The following DNAJC9 variants were observed in gnomAD, a reference collection of about 807,000 sequenced individuals.
DNAJC9 encodes DnaJ heat shock protein family (Hsp40) member C9, also known as dnaJ homolog subfamily C member 9.
A neutral mutation model predicts 32.4 loss-of-function variants in DNAJC9; 18 were observed. The observed-to-expected ratio is 0.56, with a 90% CI of 0.38 to 0.82. The LOEUF (loss-of-function observed/expected upper bound fraction) is 0.82, where lower values mean the gene tolerates loss of function less well. Among genes scored for constraint, DNAJC9 ranks in the 40% least tolerant of loss-of-function variants. The pLI, the probability that DNAJC9 is intolerant of heterozygous loss-of-function variation, is 0.00. For missense variants in DNAJC9, 310 were observed against 321.8 expected (o/e 0.96, Z 0.28); for synonymous variants, 113 against 122.1 (o/e 0.93, Z 0.49).
At position 73,242,375 on chromosome 10, in the gene DNAJC9, C is replaced by A. The variant is rs1392717754; in HGVS notation, c.*1025G>T. Reference sequence around the variant, plus strand: ...CTCACAAACCATTACCATGAGTTCACTATAACAACTGGATCAATATGGCTT... The same window carrying A: ...CTCACAAACCATTACCATGAGTTCAATATAACAACTGGATCAATATGGCTT... On this transcript the variant is annotated 3_prime_UTR_variant, in exon 5 of 5. Coordinates refer to ENST00000372950, the MANE Select transcript of DNAJC9 (RefSeq NM_015190.5). 1.3e-5 allele frequency: 2 copies of A among 152,104 alleles called. No homozygotes were observed. Among genetic ancestry groups the A allele is most frequent in the African/African-American group, 2.4e-5 (1 of 41,426 alleles). The allele number at this position is 152,104 out of a possible 1,614,324, so 9.4% of individuals were successfully genotyped here.
chr10:73,235,503 C>A (rs986487226), downstream of DNAJC9: 48 of 1,318,578 alleles, frequency 3.6e-5, no homozygotes, highest in Admixed American at 8.8e-5. Context: ...GATGCCTATT[C>A]TTTAATGCCT....
chr10:73,241,158 C>T (rs1369818099), downstream of DNAJC9: 2 of 646,982 alleles, frequency 3.1e-6, no homozygotes, highest in Non-Finnish European at 5.6e-6. Flanking sequence ...CACAAGTGAC[C>T]GAAGAACAAA....
downstream of DNAJC9, among the ~76,000 whole-genome samples, chr10:73,240,689 G>T (rs1346497907): frequency 1.3e-5 from 2 of 151,574 alleles, no homozygotes; most frequent in Non-Finnish European, 2.9e-5. Context: ...CTCCAGCCTG[G>T]GGGGACAGAG....
downstream of DNAJC9, among the ~76,000 whole-genome samples, chr10:73,240,627 A>G (rs2043924191): frequency 6.6e-6 from 1 of 151,038 alleles, no homozygotes; most frequent in Non-Finnish European, 1.5e-5. Flanking sequence ...CAGGAGAATG[A>G]GGTGAACCTG....
chr10:73,246,297 T>C, intron 2 of DNAJC9, 121 bp from the exon 3 acceptor site: 4 of 1,117,004 alleles, frequency 3.6e-6, no homozygotes, highest in African/African-American at 1.6e-5. Flanking sequence ...GTTGAAATTA[T>C]TGAACCAGAT....
chr10:73,234,954 A>G (rs932806638), downstream of DNAJC9: 25 of 1,551,506 alleles, frequency 1.6e-5, no homozygotes, highest in Non-Finnish European at 2.1e-5. Flanking sequence ...TGTTTCTTTC[A>G]TATTGCCTCT....
At chr10:73,245,335 TC>T (rs1005666127) in intron 3 of DNAJC9, among the ~76,000 whole-genome samples, 8 of 151,150 alleles carry the variant, frequency 5.3e-5, no homozygotes, top group African/African-American at 2.0e-4. Context: ...TAAGGTTTCA[TC>T]CTGAACCACC....
At chr10:73,237,777 G>T (rs529184202), downstream of DNAJC9, among the ~76,000 whole-genome samples, 16 of 152,058 alleles carry the variant, frequency 1.1e-4, no homozygotes, top group Middle Eastern at 3.4e-3. Context: ...CCAGGCTGGA[G>T]TGTAGTGGTG....
intron 2 of DNAJC9, chr10:73,233,016 T>C: frequency 6.4e-7 from 1 of 1,551,874 alleles, no homozygotes; most frequent in Admixed American, 2.0e-5. Context: ...AATCGAGCTG[T>C]GGAGTTTAGT....
At position 73,243,164 on chromosome 10, in the gene DNAJC9, T is replaced by G. The variant is rs2043972972; in HGVS notation, c.*236A>C. The G allele has an allele frequency of 2.1e-6, 1 of 477,174 alleles. No homozygotes were observed. The highest frequency in any genetic ancestry group is 2.0e-5 in the African/African-American group (1 of 50,604). 29.6% of individuals were successfully genotyped at this position (477,174 alleles called of 1,614,324 possible). A position where few individuals can be genotyped will look rare whatever the true frequency, so the allele number is the denominator to read the frequency against. ...GGAAGGACACTGCCTCCCTCCACCC[T>G]CCCAAATGTCACCACCAAGTTCCTT... is the stretch of plus-strand genomic sequence containing the variant. On this transcript the variant is annotated 3_prime_UTR_variant, in exon 5 of 5. Coordinates refer to ENST00000372950, the MANE Select transcript of DNAJC9 (RefSeq NM_015190.5).
At position 73,243,998 on chromosome 10, in the gene DNAJC9, AG is replaced by A; in HGVS notation, c.577-70del. On this transcript the variant is annotated intron_variant, in intron 3 of 4. Transcript: ENST00000372950. ...CTTAAAATACATACTCTTTCCCAAA[AG>A]CAAATCTATAATTCTGTTTCAATTT... 2.4e-6 allele frequency: 3 copies of A among 1,271,082 alleles called. No homozygotes were observed. The South Asian group carries it at 3.8e-5, about 16-fold the overall frequency. 78.7% of individuals were successfully genotyped at this position (1,271,082 alleles called of 1,614,324 possible). A position where few individuals can be genotyped will look rare whatever the true frequency, so the allele number is the denominator to read the frequency against.
intron 1 of DNAJC9, 58 bp from the exon 2 acceptor site, chr10:73,246,886 G>T (rs1454704892): frequency 1.9e-6 from 3 of 1,608,494 alleles, no homozygotes; most frequent in Non-Finnish European, 2.5e-6. Context: ...ACGGCGGCGC[G>T]AGAAATAAAG....
chr10:73,235,551 TTAAGA>T (rs1361195518), downstream of DNAJC9: 8 of 894,038 alleles, frequency 8.9e-6, no homozygotes, highest in South Asian at 7.4e-5. Context: ...AATTTAACAC[TTAAGA>T]TATGTCTGAC....
At position 73,245,932 on chromosome 10, in the gene DNAJC9, C is replaced by T. The variant is rs1239290572; in HGVS notation, c.566G>A (p.Arg189Lys). ...VKESKQKMNA[R>K]KRRAQEEAKE... ...TATTCAAAATCTTACCCTCCTTTTC[C>T]TTGCATTCATCTTTTGTTTCGATTC... The change falls in exon 3 of 5, where the codon AGG becomes AAG. Residue 189 changes from arginine (R) to lysine (K), a missense_variant. Coordinates refer to ENST00000372950, the MANE Select transcript of DNAJC9 (RefSeq NM_015190.5). 1.2e-6 allele frequency: 2 copies of T among 1,610,646 alleles called. No homozygotes were observed. Among genetic ancestry groups the T allele is most frequent in the African/African-American group, 1.3e-5 (1 of 74,688 alleles).
At position 73,243,071 on chromosome 10, in the gene DNAJC9, G is replaced by A; in HGVS notation, c.*329C>T. 4.0e-6 allele frequency: 1 copy of A among 250,482 alleles called. No homozygotes were observed. Among genetic ancestry groups the A allele is most frequent in the South Asian group, 5.5e-5 (1 of 18,156 alleles). The allele number at this position is 250,482 out of a possible 1,614,324, so 15.5% of individuals were successfully genotyped here. ...ACAGACACGCACATCGCAGAAAGCAGCATGAACAGAACCACATCCTAGATA... is the reference window on the plus strand; with the variant it reads ...ACAGACACGCACATCGCAGAAAGCAACATGAACAGAACCACATCCTAGATA... On this transcript the variant is annotated 3_prime_UTR_variant, in exon 5 of 5. Transcript: ENST00000372950.
Position 73,242,010 on chromosome 10 carries a change from ATGC to A in DNAJC9, c.*1387_*1389del, listed in dbSNP as rs2043959929. 6.6e-6 allele frequency: 1 copy of A among 152,196 alleles called. No homozygotes were observed. Among genetic ancestry groups the A allele is most frequent in the Non-Finnish European group, 1.5e-5 (1 of 68,032 alleles). 9.4% of individuals were successfully genotyped at this position (152,196 alleles called of 1,614,324 possible). ...TCACTAAATACAAATCTTGATTGTC[ATGC>A]CAGTTTTAGATCTTATTAATTTTCA... On this transcript the variant is annotated 3_prime_UTR_variant, in exon 5 of 5. Coordinates refer to ENST00000372950, the MANE Select transcript of DNAJC9 (RefSeq NM_015190.5).
downstream of DNAJC9, chr10:73,239,234 T>A: frequency 8.2e-7 from 1 of 1,214,606 alleles, no homozygotes; most frequent in East Asian, 2.6e-5. Context: ...GATTTCAAGG[T>A]GTTCCTGTGA....
Position 73,247,223 on chromosome 10 carries a change from C to G in DNAJC9, c.-34G>C, listed in dbSNP as rs745333261. The stretch of plus-strand genomic sequence containing the variant: ...GAGATACGACCCCGGAGGAAGCAGC[C>G]GCTCCCAGCTGCGCCGGGTACAACC... On this transcript the variant is annotated 5_prime_UTR_variant, in exon 1 of 5. Coordinates refer to ENST00000372950, the MANE Select transcript of DNAJC9 (RefSeq NM_015190.5). 6.4e-7 allele frequency: 1 copy of G among 1,570,298 alleles called. No individual in the cohort carries two copies. Among genetic ancestry groups the G allele is most frequent in the Non-Finnish European group, 8.6e-7 (1 of 1,158,790 alleles).
chr10:73,234,613 G>A, downstream of DNAJC9: 3 of 569,684 alleles, frequency 5.3e-6, no homozygotes, highest in Non-Finnish European at 9.3e-6. Flanking sequence ...CCAGAGTATA[G>A]AGCTTCAAAA....
Sources: allele counts gnomAD v4.1 joint callset (sites outside exome capture counted in the v4.1 genomes callset), GRCh38; gene constraint gnomAD v4.1.1; transcripts MANE v1.5; gene names NCBI Gene and HGNC (gene_info 2026-07-23, HGNC 2026-07-21).